Variants in GNAT3 observed in about 807,000 individuals in gnomAD.
The protein encoded by GNAT3 is G protein subunit alpha transducin 3.
GNAT3 carries 31 observed loss-of-function variants against 37.7 expected under a neutral mutation model. The observed-to-expected ratio is 0.82, with a 90% CI of 0.62 to 1.11. The LOEUF is 1.11. Among genes scored for constraint, GNAT3 ranks in the 50% most tolerant of loss-of-function variants. GNAT3 has a pLI of 0.00. For missense variants in GNAT3, 437 were observed against 412.5 expected, an observed-to-expected ratio of 1.06 and a Z score of -0.51; for synonymous variants, 138 against 139.8, an observed-to-expected ratio of 0.99 and a Z score of 0.09.
chr7:80,462,699 A>G (rs1790071676), intron 5 of GNAT3, 68 bp from the exon 6 acceptor site: 1 of 1,274,418 alleles, frequency 7.8e-7, no homozygotes, highest in Non-Finnish European at 1.1e-6. Flanking sequence ...TGAGGTTAAC[A>G]TTTAGAGGTA....
At chr7:80,497,580 G>GTATATACATATACA (rs1790745271) in intron 1 of GNAT3, among the ~76,000 whole-genome samples, 3 of 129,514 alleles carry the variant, frequency 2.3e-5, no homozygotes, top group Admixed American at 1.5e-4. Flanking sequence ...ATACATATAC[G>GTATATACATATACA]TATATACATA....
chr7:80,501,891 G>A (rs1252009467), intron 1 of GNAT3, among the ~76,000 whole-genome samples: 1 of 151,938 alleles, frequency 6.6e-6, no homozygotes, highest in African/African-American at 2.4e-5. Flanking sequence ...TAAGCATCAT[G>A]AATCTGTAAA....
At chr7:80,480,582 C>G (rs1397124170) in intron 3 of GNAT3, among the ~76,000 whole-genome samples, 1 of 152,118 alleles carries the variant, frequency 6.6e-6, no homozygotes, top group Non-Finnish European at 1.5e-5. Context: ...ATATACAGAG[C>G]AGCCCCGAGG....
rs192879138 is a variant in GNAT3, at chr7:80,488,418, A to G, written c.303+117T>C. The G allele has an allele frequency of 1.2e-3, 883 of 747,024 alleles. 5 individuals carry two copies. In the African/African-American group the frequency reaches 0.014, roughly 12 times the overall value. The allele number at this position is 747,024 out of a possible 1,614,324, so 46.3% of individuals were successfully genotyped here. ...AAACAGAATTAATGTTTCAAAATTC[A>G]TGTTTCATATTTTTAAATTTTGGAT... is the stretch of plus-strand genomic sequence containing the variant. On this transcript the variant is annotated intron_variant, in intron 3 of 7. Coordinates refer to ENST00000398291, the MANE Select transcript of GNAT3 (RefSeq NM_001102386.3).
At chr7:80,488,507 A>G (rs372291538) in intron 3 of GNAT3, 28 bp downstream of exon 3, 322 of 1,580,702 alleles carry the variant, frequency 2.0e-4, no homozygotes, top group Non-Finnish European at 2.6e-4. Flanking sequence ...ATTGCAGGAC[A>G]TACAGCTGTC....
intron 7 of GNAT3, 50 bp downstream of exon 7, chr7:80,462,109 A>G (rs1386054171): frequency 8.7e-7 from 1 of 1,149,982 alleles, no homozygotes. Flanking sequence ...TAGGAAATAT[A>G]TATTTATACA....
intron 2 of GNAT3, 36 bp from the exon 3 acceptor site, chr7:80,488,712 ATAAT>A (rs1332921015): frequency 1.3e-6 from 2 of 1,485,294 alleles, no homozygotes; most frequent in East Asian, 2.4e-5. Context: ...TGTGAGTTGA[ATAAT>A]TGATTGTAAC....
In GNAT3 at chr7:80,462,257, A is replaced by G; in HGVS notation, c.776T>C (p.Phe259Ser). 9 of 1,612,730 alleles carry G rather than the reference A, an allele frequency of 5.6e-6. No individual in the cohort carries two copies. Among genetic ancestry groups the G allele is most frequent in the Non-Finnish European group, 7.6e-6 (9 of 1,178,984 alleles). ...LFNSICNHKY[F>S]STTSIVLFLN... ...GAACAGGACAATGGAGGTTGTTGAA[A>G]AATACTTGTGATTACAGATACTGTT... The change falls in exon 7 of 8, where the codon TTT becomes TCT. Residue 259 changes from phenylalanine to serine, a missense_variant. Physicochemically the swap from Phe to Ser is radical, Grantham distance 155 (BLOSUM62 -2). Transcript: ENST00000398291.
intron 5 of GNAT3, among the ~76,000 whole-genome samples, chr7:80,466,329 T>C (rs1790129427): frequency 6.6e-6 from 1 of 152,120 alleles, no homozygotes; most frequent in Non-Finnish European, 1.5e-5. Context: ...TGCCCAATTA[T>C]GCCATTTTCT....
intron 1 of GNAT3, among the ~76,000 whole-genome samples, chr7:80,503,805 A>T (rs957931544): frequency 1.3e-5 from 2 of 152,238 alleles, no homozygotes; most frequent in African/African-American, 4.8e-5. Context: ...ATATGGGTCA[A>T]CAAATTGAGC....
At position 80,493,513 on chromosome 7, in the gene GNAT3, T is replaced by C. The variant is rs189572296; in HGVS notation, c.161+1092A>G. Among the ~76,000 whole-genome samples the C allele has an allele frequency of 1.6e-3, 250 of 152,320 alleles. 2 individuals are homozygous for C. Among genetic ancestry groups the C allele is most frequent in the Non-Finnish European group, 3.2e-4 (22 of 68,012 alleles). On this transcript the variant is annotated intron_variant, in intron 2 of 7. Coordinates refer to ENST00000398291, the MANE Select transcript of GNAT3 (RefSeq NM_001102386.3). ...TTATTGACTGGCAGGCATCACTCCCTTATAAAATATGGCCCAAAGAACAAG... is the reference window on the plus strand; with the variant it reads ...TTATTGACTGGCAGGCATCACTCCCCTATAAAATATGGCCCAAAGAACAAG...
At chr7:80,470,026 A>G (rs1468745908) in intron 5 of GNAT3, among the ~76,000 whole-genome samples, 1 of 152,164 alleles carries the variant, frequency 6.6e-6, no homozygotes, top group African/African-American at 2.4e-5. Flanking sequence ...TGTTTAAATA[A>G]AGACTTGTTT....
chr7:80,463,918 A>ATTT (rs1319926408), intron 5 of GNAT3, among the ~76,000 whole-genome samples: 1 of 151,132 alleles, frequency 6.6e-6, no homozygotes, highest in East Asian at 2.0e-4. Context: ...TAAGCAAGCA[A>ATTT]TTTATAGTTT....
At chr7:80,477,989 C>T (rs1790333370) in intron 4 of GNAT3, among the ~76,000 whole-genome samples, 1 of 152,202 alleles carries the variant, frequency 6.6e-6, no homozygotes, top group Non-Finnish European at 1.5e-5. Flanking sequence ...CTGCCTACTG[C>T]AGCCTTGACC....
At chr7:80,483,196 C>T (rs552671965) in intron 3 of GNAT3, among the ~76,000 whole-genome samples, 14 of 152,154 alleles carry the variant, frequency 9.2e-5, no homozygotes, top group East Asian at 5.8e-4. Flanking sequence ...TTCAAGGTGA[C>T]GCAACTGTTC....
intron 4 of GNAT3, among the ~76,000 whole-genome samples, chr7:80,478,535 G>A (rs1278007617): frequency 6.6e-6 from 1 of 152,150 alleles, no homozygotes; most frequent in Non-Finnish European, 1.5e-5. Flanking sequence ...ACCAGTCTGT[G>A]TTAGTGTGAA....
At position 80,484,516 on chromosome 7, in the gene GNAT3, A is replaced by G. The variant is rs371571972; in HGVS notation, c.303+4019T>C. On this transcript the variant is annotated intron_variant, in intron 3 of 7. Transcript: ENST00000398291. ...GTAGGGTTCTATGTCCAAGATGATTACAACAGTGCTCAAATTATGTAGTAA... is the reference window on the plus strand; with the variant it reads ...GTAGGGTTCTATGTCCAAGATGATTGCAACAGTGCTCAAATTATGTAGTAA... 1.6e-3 allele frequency among the ~76,000 whole-genome samples: 237 copies of G among 152,230 alleles called. 8 individuals are homozygous for G. The South Asian group carries it at 0.048, about 31-fold the overall frequency.
chr7:80,479,051 C>A, intron 3 of GNAT3, 53 bp from the exon 4 acceptor site: 1 of 1,247,018 alleles, frequency 8.0e-7, no homozygotes, highest in East Asian at 2.5e-5. Flanking sequence ...ATCACATATT[C>A]TATTTTCTAA....
At chr7:80,498,149 A>T (rs891783231) in intron 1 of GNAT3, among the ~76,000 whole-genome samples, 2 of 152,150 alleles carry the variant, frequency 1.3e-5, no homozygotes, top group Non-Finnish European at 2.9e-5. Flanking sequence ...GTTAATGTAC[A>T]TTCAGAATGG....
Sources: gnomAD v4.1 joint callset for allele counts (sites outside exome capture counted in the v4.1 genomes callset) on GRCh38, gnomAD v4.1.1 for gene constraint, MANE v1.5 for transcripts, NCBI Gene and HGNC (gene_info 2026-07-23, HGNC 2026-07-21) for gene names.